The following PPFIA2 variants were observed in gnomAD, a reference collection of about 807,000 sequenced individuals.
PPFIA2 encodes the protein liprin-alpha-2.
Under a neutral mutation model 175.5 loss-of-function variants are expected in PPFIA2, and 46 were observed. That is an observed-to-expected ratio of 0.26 (90% CI 0.21 to 0.34). The LOEUF is 0.34. PPFIA2 is among the 10% of genes least tolerant of loss of function. The pLI, the probability that PPFIA2 is intolerant of heterozygous loss-of-function variation, is 1.00. For missense variants in PPFIA2, 1,179 were observed against 1,506.1 expected, an observed-to-expected ratio of 0.78 and a Z score of 3.60; for synonymous variants, 568 against 511.4, an observed-to-expected ratio of 1.11 and a Z score of -1.49.
At chr12:81,443,429 A>G (rs1469979001) in intron 6 of PPFIA2, among the ~76,000 whole-genome samples, 1 of 152,090 alleles carries the variant, frequency 6.6e-6, no homozygotes, top group Non-Finnish European at 1.5e-5. Flanking sequence ...ACATATTATT[A>G]TAGCTCCTAG....
At chr12:81,267,199 T>C (rs932390295) in intron 29 of PPFIA2, 179 bp from the exon 30 acceptor site, 1 of 165,260 alleles carries the variant, frequency 6.1e-6, no homozygotes, top group Non-Finnish European at 1.3e-5. Context: ...AAAACAGGGC[T>C]TTTTTTTTTT....
intron 7 of PPFIA2, among the ~76,000 whole-genome samples, chr12:81,426,559 A>T (rs986500040): frequency 3.9e-5 from 6 of 152,196 alleles, no homozygotes; most frequent in Non-Finnish European, 8.8e-5. Context: ...CAACTGATCA[A>T]GTTATATTTG....
At chr12:81,284,491 AT>A (rs1165918327) in intron 24 of PPFIA2, 188 bp from the exon 25 acceptor site, 1 of 542,060 alleles carries the variant, frequency 1.8e-6, no homozygotes, top group Admixed American at 3.1e-5. Flanking sequence ...ACTCAAAAAG[AT>A]TAACTAGAAA....
At chr12:81,714,779 G>A (rs2078381330) in intron 3 of PPFIA2, among the ~76,000 whole-genome samples, 1 of 151,122 alleles carries the variant, frequency 6.6e-6, no homozygotes, top group Non-Finnish European at 1.5e-5. Flanking sequence ...ATTTCATGGA[G>A]ATATTGTACT....
chr12:81,703,165 T>G (rs2076697008), intron 3 of PPFIA2, among the ~76,000 whole-genome samples: 1 of 152,154 alleles, frequency 6.6e-6, no homozygotes, highest in South Asian at 2.1e-4. Context: ...AAAGGCTACT[T>G]ACTGTCAATG....
At chr12:81,558,763 AT>A (rs1680862830) in intron 4 of PPFIA2, among the ~76,000 whole-genome samples, 1 of 152,142 alleles carries the variant, frequency 6.6e-6, no homozygotes, top group African/African-American at 2.4e-5. Flanking sequence ...TGAAAAAGGG[AT>A]TACTACTTTC....
intron 7 of PPFIA2, among the ~76,000 whole-genome samples, chr12:81,408,462 A>C (rs2142993815): frequency 6.6e-6 from 1 of 152,316 alleles, no homozygotes; most frequent in South Asian, 2.1e-4. Context: ...TTTAAAGAAC[A>C]AATTTAACTC....
intron 3 of PPFIA2, among the ~76,000 whole-genome samples, chr12:81,731,093 G>A (rs1471209863): frequency 2.6e-5 from 4 of 151,580 alleles, no homozygotes; most frequent in African/African-American, 7.3e-5. Context: ...CCACTGCTAC[G>A]CACTACCCTA....
chr12:81,506,475 A>G (rs2061182777), intron 4 of PPFIA2, among the ~76,000 whole-genome samples: 4 of 152,190 alleles, frequency 2.6e-5, no homozygotes. Flanking sequence ...TGAACACATG[A>G]TATTTGCTCA....
intron 4 of PPFIA2, among the ~76,000 whole-genome samples, chr12:81,593,954 A>C (rs1298041323): frequency 2.0e-5 from 3 of 152,114 alleles, no homozygotes; most frequent in African/African-American, 7.2e-5. Flanking sequence ...AAGTGAGCAA[A>C]GCTTCATCTG....
chr12:81,412,919 T>A (rs1037691854), intron 7 of PPFIA2, among the ~76,000 whole-genome samples: 2 of 151,894 alleles, frequency 1.3e-5, no homozygotes, highest in African/African-American at 2.4e-5. Flanking sequence ...CGATCACACA[T>A]ATAAAAAGTG....
rs2058907401 is a variant in PPFIA2 at position 81,487,081 on chromosome 12, A to G, written c.304-29215T>C. Among the ~76,000 whole-genome samples the G allele has an allele frequency of 3.9e-5, 6 of 152,010 alleles. No homozygotes were observed. In the South Asian group the frequency reaches 1.2e-3, roughly 32 times the overall value. ...AGAAAGTTTCCCTTAGGAAAGAAAA[A>G]CACGTGATCATGCATAGCACAGTGT... On this transcript the variant is annotated intron_variant, in intron 4 of 32. Transcript: ENST00000549396.
In PPFIA2 at chr12:81,748,807, A is replaced by T. The variant is rs2083383330; in HGVS notation, c.249+5166T>A. ...AATCCATCCAAAATCAAGATTGTAA[A>T]ATAATTTTTCTTCATGATCTGGTCA... On this transcript the variant is annotated intron_variant, in intron 3 of 32. Transcript: ENST00000549396. 2.1e-5 allele frequency among the ~76,000 whole-genome samples: 3 copies of T among 144,372 alleles called. 1 individual carries two copies. The South Asian group carries it at 6.9e-4, about 33-fold the overall frequency. The allele number at this position is 144,372 out of a possible 152,430, so 94.7% of individuals were successfully genotyped here.
In PPFIA2 at chr12:81,345,277, CAG is replaced by C. The variant is rs1434830092; in HGVS notation, c.2233-586_2233-585del. The stretch of plus-strand genomic sequence containing the variant: ...TTTATTAAAAATATACAATTGATGA[CAG>C]AATTATATTAGGTGTTAAGGACTTC... On this transcript the variant is annotated intron_variant, in intron 18 of 32. Coordinates refer to ENST00000549396, the MANE Select transcript of PPFIA2 (RefSeq NM_003625.5). Among the ~76,000 whole-genome samples the C allele has an allele frequency of 8.5e-5, 13 of 152,104 alleles. 1 individual carries two copies. In the East Asian group the frequency reaches 2.5e-3, roughly 29 times the overall value.
chr12:81,644,193 T>C (rs1016253846), intron 4 of PPFIA2, among the ~76,000 whole-genome samples: 1 of 152,008 alleles, frequency 6.6e-6, no homozygotes, highest in African/African-American at 2.4e-5. Context: ...AAAATTTACT[T>C]TTGCTAGATA....
intron 24 of PPFIA2, among the ~76,000 whole-genome samples, chr12:81,287,587 C>G (rs2043790432): frequency 6.6e-6 from 1 of 151,922 alleles, no homozygotes; most frequent in Non-Finnish European, 1.5e-5. Flanking sequence ...GAAATAGTTT[C>G]TACACAACCT....
intron 3 of PPFIA2, among the ~76,000 whole-genome samples, chr12:81,720,855 T>G (rs1472742545): frequency 6.6e-6 from 1 of 151,308 alleles, no homozygotes; most frequent in Non-Finnish European, 1.5e-5. Flanking sequence ...TTAGCCAGAA[T>G]CAACTTTTGT....
chr12:81,708,383 C>T (rs1365996564), intron 3 of PPFIA2, among the ~76,000 whole-genome samples: 1 of 151,886 alleles, frequency 6.6e-6, no homozygotes, highest in East Asian at 1.9e-4. Context: ...GACTCATCCA[C>T]CAATTATTGT....
chr12:81,570,905 A>G (rs1176491885), intron 4 of PPFIA2, among the ~76,000 whole-genome samples: 1 of 151,918 alleles, frequency 6.6e-6, no homozygotes, highest in Non-Finnish European at 1.5e-5. Context: ...ATATTCTTCT[A>G]AAGTTTTGAC....
Sources: allele counts gnomAD v4.1 joint callset (sites outside exome capture counted in the v4.1 genomes callset), GRCh38; gene constraint gnomAD v4.1.1; transcripts MANE v1.5; gene names NCBI Gene and HGNC (gene_info 2026-07-23, HGNC 2026-07-21).